TMEM196: variants seen among roughly 807,000 people sequenced by gnomAD.
TMEM196 encodes transmembrane protein 196.
A neutral mutation model predicts 20.0 loss-of-function variants in TMEM196; 17 were observed. That is an observed-to-expected ratio of 0.85 (90% CI 0.58 to 1.27). TMEM196 has a LOEUF of 1.27. Among genes scored for constraint, TMEM196 ranks in the 50% most tolerant of loss-of-function variants. TMEM196 has a pLI of 0.00. For missense variants in TMEM196, 267 were observed against 223.0 expected (o/e 1.20, Z -1.26); for synonymous variants, 113 against 88.9 (o/e 1.27, Z -1.52).
In TMEM196 at chr7:19,720,804, G is replaced by A. The variant is rs1248471773; in HGVS notation, c.*1324C>T. Reference sequence around the variant, plus strand: ...ATATGGACTGCCTATATTATTTCATGAGAATCGTAAAACAAAACACCTAAA... The same window carrying A: ...ATATGGACTGCCTATATTATTTCATAAGAATCGTAAAACAAAACACCTAAA... On this transcript the variant is annotated 3_prime_UTR_variant, in exon 5 of 5. Transcript: ENST00000405844. 1 of 151,792 alleles carries A rather than the reference G, an allele frequency of 6.6e-6. No homozygotes were observed. The highest frequency in any genetic ancestry group is 6.6e-5 in the Admixed American group (1 of 15,240). 9.4% of individuals were successfully genotyped at this position (151,792 alleles called of 1,614,324 possible).
At chr7:19,734,924 A>G (rs565471359) in intron 1 of TMEM196, among the ~76,000 whole-genome samples, 2 of 152,234 alleles carry the variant, frequency 1.3e-5, no homozygotes, top group Admixed American at 1.3e-4. Flanking sequence ...GCTATCAGAC[A>G]GGAAAGGAAT....
Position 19,728,778 on chromosome 7 carries a change from C to T in TMEM196, c.204+604G>A, listed in dbSNP as rs375970428. Among the ~76,000 whole-genome samples, 98 of 152,308 alleles carry T rather than the reference C, an allele frequency of 6.4e-4. 1 individual carries two copies. In the South Asian group the frequency reaches 0.019, roughly 30 times the overall value. ...ATCCACACTTCAGCATGCAGTGTGGCTCATCCAGCCAATATCAGAGCTAAC... is the reference window on the plus strand; with the variant it reads ...ATCCACACTTCAGCATGCAGTGTGGTTCATCCAGCCAATATCAGAGCTAAC... On this transcript the variant is annotated intron_variant, in intron 2 of 4. Transcript: ENST00000405844.
intron 1 of TMEM196, among the ~76,000 whole-genome samples, chr7:19,756,630 T>G (rs1785223881): frequency 6.7e-6 from 1 of 148,518 alleles, no homozygotes; most frequent in African/African-American, 2.5e-5. Context: ...TAGCTCACTT[T>G]AAAAGTGAGC....
At chr7:19,758,716 G>A (rs1785312849) in intron 1 of TMEM196, among the ~76,000 whole-genome samples, 1 of 152,128 alleles carries the variant, frequency 6.6e-6, no homozygotes, top group South Asian at 2.1e-4. Flanking sequence ...CAGTGCACAC[G>A]TACTCAGAAT....
At position 19,772,721 on chromosome 7, in the gene TMEM196, G is replaced by C. The variant is rs1166132258; in HGVS notation, c.-25C>G. ...TCCTTCCTCGGTCATCTTCCTTCCA[G>C]ATCAGAGAGGGAAATCAACCATCTA... On this transcript the variant is annotated 5_prime_UTR_variant, in exon 1 of 5. The change creates a new upstream start codon in the 5' untranslated region. Transcript: ENST00000405844. 6.8e-7 allele frequency: 1 copy of C among 1,468,038 alleles called. No individual in the cohort carries two copies. The highest frequency in any genetic ancestry group is 9.1e-7 in the Non-Finnish European group (1 of 1,096,738). The allele number at this position is 1,468,038 out of a possible 1,614,324, so 90.9% of individuals were successfully genotyped here.
chr7:19,729,309 A>G, intron 2 of TMEM196, 73 bp downstream of exon 2: 1 of 1,293,344 alleles, frequency 7.7e-7, no homozygotes. Flanking sequence ...AAAGCTGGCT[A>G]GCCATCATTT....
chr7:19,761,867 C>A (rs987836936), intron 1 of TMEM196, among the ~76,000 whole-genome samples: 2 of 152,204 alleles, frequency 1.3e-5, no homozygotes. Flanking sequence ...TCTTTCAGTG[C>A]ACAGAACAGA....
chr7:19,755,275 T>G (rs140488853), intron 1 of TMEM196, among the ~76,000 whole-genome samples: 182 of 152,342 alleles, frequency 1.2e-3, no homozygotes, highest in African/African-American at 4.2e-3. Context: ...TATCTGTCAT[T>G]GCAAAAGGTT....
chr7:19,725,641 G>A lies in TMEM196; in HGVS notation c.332C>T (p.Ala111Val), dbSNP rs141997114. Residue 111 changes from alanine to valine, a missense_variant, in exon 3 of 5, where the codon GCG becomes GTG. Transcript: ENST00000405844. ...YPLHLASMSL[A>V]CIGIGGCTLS... ...AGTGCAGCCCCCGATCCCAATGCAC[G>A]CGAGAGACATGGAGGCAAGGTGCAG... 1.4e-5 allele frequency: 22 copies of A among 1,614,014 alleles called. No homozygotes were observed. The highest frequency in any genetic ancestry group is 1.1e-4 in the African/African-American group (8 of 74,916).
intron 1 of TMEM196, among the ~76,000 whole-genome samples, chr7:19,747,299 TA>T (rs904059923): frequency 2.7e-5 from 4 of 149,394 alleles, no homozygotes; most frequent in Non-Finnish European, 5.9e-5. Flanking sequence ...AAAATAAAAA[TA>T]AAAAAAAGAA....
At chr7:19,733,349 T>C (rs1266435253) in intron 1 of TMEM196, among the ~76,000 whole-genome samples, 1 of 152,156 alleles carries the variant, frequency 6.6e-6, no homozygotes, top group African/African-American at 2.4e-5. Context: ...GAAATGATAT[T>C]TTAGAGCCCA....
intron 1 of TMEM196, among the ~76,000 whole-genome samples, chr7:19,732,589 A>AAAAAAAAAAAAAAACAAAC (rs1784250059): frequency 8.0e-6 from 1 of 125,512 alleles, no homozygotes; most frequent in African/African-American, 3.3e-5. Context: ...AAAAAACAAA[A>AAAAAAAAAAAAAAACAAAC]AAAAAAAAAA....
At position 19,738,997 on chromosome 7, in the gene TMEM196, G is replaced by A. The variant is rs1013954576; in HGVS notation, c.148-9559C>T. ...ACTGAACAAACACCACCTCAATCAG[G>A]TGACCAAGGTCAATGCCAACAGTGA... On this transcript the variant is annotated intron_variant, in intron 1 of 4. Coordinates refer to ENST00000405844, the MANE Select transcript of TMEM196 (RefSeq NM_001363562.2). 2.6e-5 allele frequency among the ~76,000 whole-genome samples: 4 copies of A among 152,226 alleles called. No homozygotes were observed. In the East Asian group the frequency reaches 7.7e-4, roughly 29 times the overall value.
intron 1 of TMEM196, among the ~76,000 whole-genome samples, chr7:19,751,640 G>A (rs983610828): frequency 3.3e-5 from 5 of 152,110 alleles, no homozygotes; most frequent in Admixed American, 6.6e-5. Flanking sequence ...TATTTCTAAT[G>A]TCCAATAAAC....
At chr7:19,757,199 A>C (rs1583453053) in intron 1 of TMEM196, among the ~76,000 whole-genome samples, 1 of 147,340 alleles carries the variant, frequency 6.8e-6, no homozygotes, top group African/African-American at 2.5e-5. Flanking sequence ...TTTGAGATGA[A>C]GTCTCAGTTT....
intron 2 of TMEM196, among the ~76,000 whole-genome samples, chr7:19,728,282 A>G (rs777058632): frequency 1.1e-4 from 17 of 151,686 alleles, no homozygotes; most frequent in Non-Finnish European, 2.1e-4. Context: ...TTGTTCCTAC[A>G]TAGTCATAAA....
rs187653652 is a variant in TMEM196 at position 19,772,884 on chromosome 7, C to T, written c.-188G>A. ...AGACCTTCCCTGGCTGGGCCAGAGGCAAAGGAGCTGCTCCACCCCCTGGCA... is the reference window on the plus strand; with the variant it reads ...AGACCTTCCCTGGCTGGGCCAGAGGTAAAGGAGCTGCTCCACCCCCTGGCA... On this transcript the variant is annotated 5_prime_UTR_variant, in exon 1 of 5. Transcript: ENST00000405844. The T allele has an allele frequency of 2.3e-5, 11 of 471,560 alleles. No individual in the cohort carries two copies. The Admixed American group carries it at 4.6e-4, about 20-fold the overall frequency. 29.2% of individuals were successfully genotyped at this position (471,560 alleles called of 1,614,324 possible). A position where few individuals can be genotyped will look rare whatever the true frequency, so the allele number is the denominator to read the frequency against.
At chr7:19,744,721 A>G (rs1784694219) in intron 1 of TMEM196, among the ~76,000 whole-genome samples, 1 of 152,246 alleles carries the variant, frequency 6.6e-6, no homozygotes, top group Non-Finnish European at 1.5e-5. Flanking sequence ...CCAAATGGAA[A>G]CATTTCTGAA....
intron 1 of TMEM196, among the ~76,000 whole-genome samples, chr7:19,743,974 T>TTCATTTACC (rs1479824886): frequency 6.6e-6 from 1 of 152,174 alleles, no homozygotes; most frequent in Non-Finnish European, 1.5e-5. Context: ...CCGAATCAGA[T>TTCATTTACC]AGAAGATTCT....
Sources: allele counts gnomAD v4.1 joint callset (sites outside exome capture counted in the v4.1 genomes callset), GRCh38; gene constraint gnomAD v4.1.1; transcripts MANE v1.5; gene names NCBI Gene and HGNC (gene_info 2026-07-23, HGNC 2026-07-21).